Variants in R3HCC1 observed in about 807,000 individuals in gnomAD.
R3HCC1 encodes R3H domain and coiled-coil containing 1, also known as R3H and coiled-coil domain-containing protein 1.
A neutral mutation model predicts 40.0 loss-of-function variants in R3HCC1; 32 were observed. The ratio of observed to expected loss-of-function variants is 0.80; its 90% CI spans 0.60 to 1.07. The LOEUF (loss-of-function observed/expected upper bound fraction) is 1.07, where lower values mean the gene tolerates loss of function less well. Among genes scored for constraint, R3HCC1 ranks in the 50% least tolerant of loss-of-function variants. The probability of loss-of-function intolerance (pLI) is 0.00; values close to 1 mark genes in which losing one functional copy is unlikely to be tolerated. For missense variants in R3HCC1, 586 were observed against 563.3 expected (o/e 1.04, Z -0.41); for synonymous variants, 237 against 232.8 (o/e 1.02, Z -0.17).
intron 4 of R3HCC1, 111 bp downstream of exon 4, chr8:23,290,580 G>A (rs1802846230): frequency 7.9e-7 from 1 of 1,262,750 alleles, no homozygotes; most frequent in South Asian, 1.6e-5. Context: ...TGCAAGGGGA[G>A]GTAGGGCTGG....
intron 6 of R3HCC1, among the ~76,000 whole-genome samples, chr8:23,294,309 G>T (rs1026078629): frequency 1.3e-5 from 2 of 152,228 alleles, no homozygotes; most frequent in Admixed American, 1.3e-4. Context: ...CTGTAGAACA[G>T]TGGGCAGCTT....
intron 1 of R3HCC1, 36 bp downstream of exon 1, chr8:23,288,193 A>G: frequency 8.3e-7 from 1 of 1,201,700 alleles, no homozygotes; most frequent in South Asian, 1.6e-5. Context: ...GGTCGTCCCG[A>G]CCCCCGGGCT....
chr8:23,288,303 G>A (rs1188542044), intron 1 of R3HCC1, 146 bp downstream of exon 1: 5 of 1,104,062 alleles, frequency 4.5e-6, no homozygotes, highest in South Asian at 3.3e-5. Flanking sequence ...GCATCCGACC[G>A]CAGGCGGGGA....
intron 5 of R3HCC1, 65 bp downstream of exon 5, chr8:23,291,598 G>A (rs917015911): frequency 1.3e-6 from 2 of 1,532,128 alleles, no homozygotes; most frequent in African/African-American, 1.4e-5. Context: ...GTAGCTGGGG[G>A]TGCTTGCCTG....
chr8:23,288,309 G>A (rs1214850641), intron 1 of R3HCC1, 152 bp downstream of exon 1: 4 of 1,104,860 alleles, frequency 3.6e-6, no homozygotes, highest in Non-Finnish European at 3.7e-6. Context: ...GACCGCAGGC[G>A]GGGACGAGAG....
chr8:23,288,681 G>A, intron 2 of R3HCC1, 48 bp downstream of exon 2: 4 of 1,528,296 alleles, frequency 2.6e-6, no homozygotes, highest in Non-Finnish European at 3.5e-6. Flanking sequence ...GGAAGGGCAG[G>A]GTTCCCGAGC....
Position 23,288,513 on chromosome 8 carries a change from C to G in R3HCC1, c.-11C>G, listed in dbSNP as rs1802788888. 3.9e-6 allele frequency: 6 copies of G among 1,536,040 alleles called. No homozygotes were observed. Among genetic ancestry groups the G allele is most frequent in the Non-Finnish European group, 5.2e-6 (6 of 1,146,866 alleles). ...TGCCCGTCTCTCTTACAGGCTCTCC[C>G]ACCTGTCACCCTGGCCCTTCTCTGC... On this transcript the variant is annotated 5_prime_UTR_variant, in exon 2 of 8. Transcript: ENST00000265806.
chr8:23,288,152 G>A lies in R3HCC1; in HGVS notation c.-24G>A. 8.0e-7 allele frequency: 1 copy of A among 1,248,790 alleles called. No homozygotes were observed. Among genetic ancestry groups the A allele is most frequent in the Non-Finnish European group, 1.0e-6 (1 of 972,572 alleles). The allele number at this position is 1,248,790 out of a possible 1,614,324, so 77.4% of individuals were successfully genotyped here. On this transcript the variant is annotated 5_prime_UTR_variant, in exon 1 of 8. Transcript: ENST00000265806. The stretch of plus-strand genomic sequence containing the variant: ...GAGGGCGGCTGCGACGCGCCGAGAG[G>A]CCGCGGTGAGTGCAGCAGCACTGGG...
intron 3 of R3HCC1, among the ~76,000 whole-genome samples, chr8:23,289,581 A>G (rs1270071889): frequency 6.6e-6 from 1 of 152,154 alleles, no homozygotes; most frequent in East Asian, 1.9e-4. Context: ...TTCTGATAGC[A>G]TACTTCTTAA....
chr8:23,294,518 C>T (rs1047897669), intron 6 of R3HCC1, among the ~76,000 whole-genome samples: 1 of 152,224 alleles, frequency 6.6e-6, no homozygotes, highest in African/African-American at 2.4e-5. Flanking sequence ...ACAGCCTCCC[C>T]AGTGCTCTCC....
intron 5 of R3HCC1, among the ~76,000 whole-genome samples, chr8:23,291,779 A>G (rs1471365438): frequency 6.6e-6 from 1 of 152,206 alleles, no homozygotes; most frequent in Non-Finnish European, 1.5e-5. Context: ...GCCCCCCTGC[A>G]TGGCCACACG....
At chr8:23,295,698 G>A in intron 7 of R3HCC1, 1 of 549,610 alleles carries the variant, frequency 1.8e-6, no homozygotes, top group Admixed American at 3.1e-5. Context: ...AGGTGTGCAG[G>A]ATGAACCCCT....
At chr8:23,294,991 T>TGACTTCTCTGCTC (rs1802966898) in intron 7 of R3HCC1, 127 bp downstream of exon 7, 2 of 734,908 alleles carry the variant, frequency 2.7e-6, no homozygotes, top group South Asian at 3.2e-5. Flanking sequence ...TCTTCCCGCT[T>TGACTTCTCTGCTC]GACTTCTCTG....
intron 7 of R3HCC1, among the ~76,000 whole-genome samples, chr8:23,295,159 G>A (rs961114526): frequency 6.6e-6 from 1 of 152,112 alleles, no homozygotes; most frequent in African/African-American, 2.4e-5. Context: ...CTGGGCACAG[G>A]GAAAAGCTTG....
At chr8:23,292,045 C>T (rs1802878869) in intron 5 of R3HCC1, among the ~76,000 whole-genome samples, 2 of 152,202 alleles carry the variant, frequency 1.3e-5, no homozygotes, top group Admixed American at 6.5e-5. Flanking sequence ...ATCCACCCTC[C>T]TGTCTTTCCT....
At chr8:23,288,265 C>T in intron 1 of R3HCC1, 108 bp downstream of exon 1, 2 of 1,152,336 alleles carry the variant, frequency 1.7e-6, no homozygotes, top group Non-Finnish European at 2.3e-6. Context: ...CGGGAAGGAG[C>T]GCAGCGCAGG....
chr8:23,295,716 C>A, intron 7 of R3HCC1: 2 of 570,750 alleles, frequency 3.5e-6, no homozygotes, highest in Non-Finnish European at 6.2e-6. Context: ...CCTCAGCCCC[C>A]TCACTGTAGA....
Position 23,289,007 on chromosome 8 carries a change from C to T in R3HCC1, c.111-9C>T, listed in dbSNP as rs555688617. The T allele has an allele frequency of 2.0e-6, 3 of 1,536,430 alleles. No individual in the cohort carries two copies. Among genetic ancestry groups the T allele is most frequent in the African/African-American group, 2.7e-5 (2 of 73,176 alleles). On this transcript the variant is annotated splice_polypyrimidine_tract_variant and intron_variant, in intron 2 of 7. Coordinates refer to ENST00000265806, the MANE Select transcript of R3HCC1 (RefSeq NM_001136108.3). ...CACCTGCTCAGCACTTCTTCCCCTC[C>T]CTCCCCAGGGTTCTTCTTTTCCCCC... is the stretch of plus-strand genomic sequence containing the variant.
chr8:23,289,978 G>A lies in R3HCC1; in HGVS notation c.361G>A (p.Gly121Ser). The change falls in exon 4 of 8, where the codon GGT becomes AGT. Residue 121 changes from glycine to serine, a missense_variant. Transcript: ENST00000265806. Reference sequence around the variant, plus strand: ...CCAAGGAGCAGCTGCGGTTCCCCGAGGTGCCCGGGCTGGCCGGTGGTATCG... The same window carrying A: ...CCAAGGAGCAGCTGCGGTTCCCCGAAGTGCCCGGGCTGGCCGGTGGTATCG... 6.5e-7 allele frequency: 1 copy of A among 1,536,586 alleles called. No individual in the cohort carries two copies. The highest frequency in any genetic ancestry group is 8.7e-7 in the Non-Finnish European group (1 of 1,146,944).
Sources: gnomAD v4.1 joint callset for allele counts (sites outside exome capture counted in the v4.1 genomes callset) on GRCh38, gnomAD v4.1.1 for gene constraint, MANE v1.5 for transcripts, NCBI Gene and HGNC (gene_info 2026-07-23, HGNC 2026-07-21) for gene names.